SOBP: variants seen among roughly 807,000 people sequenced by gnomAD.
SOBP encodes sine oculis binding protein homolog.
In SOBP, 4 loss-of-function variants were observed where a neutral mutation model predicts 53.6. The observed-to-expected ratio is 0.07, with a 90% CI of 0.04 to 0.17. The LOEUF is 0.17. SOBP is among the 10% of genes least tolerant of loss of function. The pLI is 1.00. For synonymous variants in SOBP, 584 were observed against 522.6 expected, an observed-to-expected ratio of 1.12 and a Z score of -1.60; for missense variants, 1,088 against 1,204.7, an observed-to-expected ratio of 0.90 and a Z score of 1.43.
intron 3 of SOBP, among the ~76,000 whole-genome samples, chr6:107,527,281 T>C (rs909048142): frequency 2.0e-5 from 3 of 152,260 alleles, no homozygotes; most frequent in Non-Finnish European, 4.4e-5. Context: ...GGCAACATCT[T>C]GTCAACTATT....
intron 4 of SOBP, among the ~76,000 whole-genome samples, chr6:107,586,805 G>A (rs1562634653): frequency 2.6e-5 from 4 of 151,994 alleles, no homozygotes; most frequent in Non-Finnish European, 5.9e-5. Flanking sequence ...CTAAGGTGGT[G>A]GTAATTGCCA....
chr6:107,555,154 C>T (rs534659232), intron 4 of SOBP, among the ~76,000 whole-genome samples: 1 of 150,664 alleles, frequency 6.6e-6, no homozygotes, highest in Admixed American at 6.6e-5. Context: ...CGTTCTCCCA[C>T]GCACCTTCTC....
In SOBP at chr6:107,490,563, A is replaced by ACCG; in HGVS notation, c.-50_-48dup. The ACCG allele has an allele frequency of 7.4e-7, 1 of 1,344,172 alleles. No homozygotes were observed. The highest frequency in any genetic ancestry group is 1.0e-6 in the Non-Finnish European group (1 of 965,796). The allele number at this position is 1,344,172 out of a possible 1,614,324, so 83.3% of individuals were successfully genotyped here. ...CACCGCCGCCGCCGCCGCCACCACCACCGCCGGCGGCGGCAGCAGCCATTT... is the reference window on the plus strand; with the variant it reads ...CACCGCCGCCGCCGCCGCCACCACCACCGCCGCCGGCGGCGGCAGCAGCCATTT... On this transcript the variant is annotated 5_prime_UTR_variant, in exon 1 of 7. Coordinates refer to ENST00000317357, the MANE Select transcript of SOBP (RefSeq NM_018013.4).
intron 4 of SOBP, among the ~76,000 whole-genome samples, chr6:107,537,851 C>T (rs1478911983): frequency 1.3e-5 from 2 of 150,330 alleles, no homozygotes; most frequent in African/African-American, 4.9e-5. Context: ...CGAAATACTT[C>T]TTCAATATCA....
At chr6:107,653,113 C>T (rs1396447857) in intron 6 of SOBP, among the ~76,000 whole-genome samples, 1 of 152,190 alleles carries the variant, frequency 6.6e-6, no homozygotes, top group Non-Finnish European at 1.5e-5. Flanking sequence ...ATGTCATCCT[C>T]TTCAAAAATG....
intron 4 of SOBP, among the ~76,000 whole-genome samples, chr6:107,573,035 A>G (rs1294135234): frequency 6.6e-6 from 1 of 152,216 alleles, no homozygotes; most frequent in Non-Finnish European, 1.5e-5. Context: ...GCTGCTCAGG[A>G]CATACCAGGA....
chr6:107,606,751 G>A lies in SOBP; in HGVS notation c.669+19576G>A, dbSNP rs533381758. On this transcript the variant is annotated intron_variant, in intron 5 of 6. Coordinates refer to ENST00000317357, the MANE Select transcript of SOBP (RefSeq NM_018013.4). ...CCCTCTTCCTCCTACTTTGCTTTCTGCCTACAGGAGCAGGAGAGGCTGGAC... is the reference window on the plus strand; with the variant it reads ...CCCTCTTCCTCCTACTTTGCTTTCTACCTACAGGAGCAGGAGAGGCTGGAC... Among the ~76,000 whole-genome samples the A allele has an allele frequency of 3.3e-5, 5 of 152,354 alleles. No homozygotes were observed. The South Asian group carries it at 8.3e-4, about 25-fold the overall frequency.
chr6:107,612,594 TA>T (rs1167182075), intron 5 of SOBP, among the ~76,000 whole-genome samples: 1 of 152,192 alleles, frequency 6.6e-6, no homozygotes, highest in Non-Finnish European at 1.5e-5. Flanking sequence ...AATTTTTTTT[TA>T]ATGTTGTAGT....
intron 4 of SOBP, among the ~76,000 whole-genome samples, chr6:107,541,194 T>C (rs2114997774): frequency 6.6e-6 from 1 of 152,348 alleles, no homozygotes; most frequent in Admixed American, 6.5e-5. Flanking sequence ...GACATTAATG[T>C]ATTTTCTGCT....
At chr6:107,561,004 G>A (rs962613798) in intron 4 of SOBP, among the ~76,000 whole-genome samples, 1 of 152,144 alleles carries the variant, frequency 6.6e-6, no homozygotes, top group African/African-American at 2.4e-5. Context: ...TCTGATGCAT[G>A]CCCTTTCTTC....
At chr6:107,541,753 A>C (rs188601444) in intron 4 of SOBP, among the ~76,000 whole-genome samples, 279 of 152,348 alleles carry the variant, frequency 1.8e-3, no homozygotes, top group African/African-American at 6.2e-3. Context: ...CTGCACATCT[A>C]AATCTTTGTT....
At chr6:107,500,701 T>G (rs1301568953) in intron 1 of SOBP, among the ~76,000 whole-genome samples, 3 of 151,404 alleles carry the variant, frequency 2.0e-5, no homozygotes, top group Non-Finnish European at 4.4e-5. Flanking sequence ...TTTTGTATTT[T>G]TATTAGAGAC....
chr6:107,506,322 G>A lies in SOBP; in HGVS notation c.316G>A (p.Ala106Thr). 1.2e-6 allele frequency: 2 copies of A among 1,614,210 alleles called. No homozygotes were observed. The highest frequency in any genetic ancestry group is 1.7e-6 in the Non-Finnish European group (2 of 1,180,034). The change falls in exon 3 of 7, where the codon GCC (alanine) becomes ACC (threonine). Residue 106 changes from alanine to threonine, a missense_variant. Coordinates refer to ENST00000317357, the MANE Select transcript of SOBP (RefSeq NM_018013.4). ...TATAAGCACAGGCTATTCAGGGCTT[G>A]CCACTGGAAATGGACTCAGTGACTC... ...YNISTGYSGL[A>T]TGNGLSDSPA...
chr6:107,635,599 G>C lies in SOBP; in HGVS notation c.*3+130G>C. ...TGTGTTTTATATTGCACACGGTGTG[G>C]TCACGCTATCAACATTCTGAGCCAG... On this transcript the variant is annotated intron_variant, in intron 6 of 6. Transcript: ENST00000317357. This position sits in a 1 kb window ranked among gnomAD's most constrained non-coding sequence, Gnocchi z 4.5. 2 of 1,266,834 alleles carry C rather than the reference G, an allele frequency of 1.6e-6. No homozygotes were observed. The highest frequency in any genetic ancestry group is 2.2e-6 in the Non-Finnish European group (2 of 896,750). The allele number at this position is 1,266,834 out of a possible 1,614,324, so 78.5% of individuals were successfully genotyped here.
intron 3 of SOBP, among the ~76,000 whole-genome samples, chr6:107,512,579 A>G (rs1281248956): frequency 2.6e-5 from 4 of 152,124 alleles, no homozygotes; most frequent in Admixed American, 6.5e-5. Context: ...CTGGCCATCA[A>G]TTTTCTGCAG....
chr6:107,608,621 C>T (rs980954206), intron 5 of SOBP, among the ~76,000 whole-genome samples: 1 of 152,170 alleles, frequency 6.6e-6, no homozygotes. Context: ...TGCACTGTGC[C>T]CAGTGACCTG....
chr6:107,506,691 C>T (rs1027784825), intron 3 of SOBP, among the ~76,000 whole-genome samples: 6 of 152,040 alleles, frequency 3.9e-5, no homozygotes, highest in African/African-American at 1.4e-4. Context: ...TATTTTCCTT[C>T]TCTGAAATCA....
chr6:107,519,681 T>C (rs183585913), intron 3 of SOBP, among the ~76,000 whole-genome samples: 1 of 152,306 alleles, frequency 6.6e-6, no homozygotes, highest in Non-Finnish European at 1.5e-5. Context: ...AATTTTTCCT[T>C]CTTTTGTCCC....
Position 107,633,939 on chromosome 6 carries a change from C to A in SOBP, c.1095C>A (p.Ser365=), listed in dbSNP as rs369691874. 1.4e-5 allele frequency: 22 copies of A among 1,614,230 alleles called. No homozygotes were observed. The highest frequency in any genetic ancestry group is 1.9e-5 in the Non-Finnish European group (22 of 1,180,040). ...ISETPNIPPV[S]VQPPASIGPP... ...AGACTCCAAATATCCCTCCTGTCTC[C>A]GTCCAGCCACCTGCTAGCATCGGGC... is the stretch of plus-strand genomic sequence containing the variant. The change falls in exon 6 of 7, where the codon TCC becomes TCA. Residue 365 remains serine, a synonymous_variant. Coordinates refer to ENST00000317357, the MANE Select transcript of SOBP (RefSeq NM_018013.4).
Sources: allele counts gnomAD v4.1 joint callset (sites outside exome capture counted in the v4.1 genomes callset), GRCh38; gene constraint gnomAD v4.1.1; non-coding constraint Gnocchi (gnomAD v3.1); transcripts MANE v1.5; gene names NCBI Gene and HGNC (gene_info 2026-07-23, HGNC 2026-07-21).